The following PCDHA10 variants were observed in gnomAD, a reference collection of about 807,000 sequenced individuals.
PCDHA10 encodes protocadherin alpha 10.
PCDHA10 carries 45 observed loss-of-function variants against 61.2 expected under a neutral mutation model. The ratio of observed to expected loss-of-function variants is 0.74; its 90% CI spans 0.58 to 0.94. PCDHA10 has a LOEUF of 0.94. Ranked by LOEUF, PCDHA10 falls within the 40% of genes least tolerant of loss-of-function variation. The pLI is 0.00. For synonymous variants in PCDHA10, 602 were observed against 548.8 expected, an observed-to-expected ratio of 1.10 and a Z score of -1.35; for missense variants, 1,278 against 1,236.2, an observed-to-expected ratio of 1.03 and a Z score of -0.51.
At chr5:140,886,623 C>T (rs1273600111) in intron 1 of PCDHA10, among the ~76,000 whole-genome samples, 39 of 151,848 alleles carry the variant, frequency 2.6e-4, no homozygotes, top group Admixed American at 2.4e-3. Flanking sequence ...ATCAGGAGTC[C>T]GAGACCAGCC....
intron 1 of PCDHA10, among the ~76,000 whole-genome samples, chr5:140,921,875 A>G (rs1414785128): frequency 6.6e-6 from 1 of 152,118 alleles, no homozygotes; most frequent in Non-Finnish European, 1.5e-5. Flanking sequence ...CAGTATATAT[A>G]TAAGATTTTA....
rs781859966 is a variant in PCDHA10, at chr5:140,858,108, C to T, written c.2060C>T (p.Pro687Leu). ...ASSRASVGVA[P>L]EVALVDVNVY... ...TCGCGGGCTTCAGTGGGCGTGGCGCCCGAGGTGGCCCTGGTGGATGTCAAC... is the reference window on the plus strand; with the variant it reads ...TCGCGGGCTTCAGTGGGCGTGGCGCTCGAGGTGGCCCTGGTGGATGTCAAC... Residue 687 changes from proline to leucine, a missense_variant, in exon 1 of 4, where the codon CCC (proline) becomes CTC (leucine). Physicochemically the swap from Pro to Leu is moderately conservative, Grantham distance 98. Coordinates refer to ENST00000307360, the MANE Select transcript of PCDHA10 (RefSeq NM_018901.4). 1 of 1,597,706 alleles carries T rather than the reference C, an allele frequency of 6.3e-7. No homozygotes were observed. The highest frequency in any genetic ancestry group is 1.1e-5 in the South Asian group (1 of 90,550).
chr5:140,971,943 A>T (rs2096507947), intron 1 of PCDHA10, among the ~76,000 whole-genome samples: 1 of 152,186 alleles, frequency 6.6e-6, no homozygotes, highest in Non-Finnish European at 1.5e-5. Flanking sequence ...AGTTGTATCC[A>T]TCTGACTCCA....
At chr5:140,974,905 A>G (rs1276795577) in intron 1 of PCDHA10, among the ~76,000 whole-genome samples, 2 of 152,208 alleles carry the variant, frequency 1.3e-5, no homozygotes, top group African/African-American at 4.8e-5. Context: ...TTTGTAACAA[A>G]TTACCACAAG....
chr5:140,966,413 A>G, intron 1 of PCDHA10: 2 of 419,134 alleles, frequency 4.8e-6, no homozygotes, highest in South Asian at 1.0e-4. Flanking sequence ...GAATCAGAGC[A>G]GGACTTGCTG....
intron 3 of PCDHA10, among the ~76,000 whole-genome samples, chr5:141,005,547 C>A (rs2098220537): frequency 6.6e-6 from 1 of 150,736 alleles, no homozygotes; most frequent in South Asian, 2.1e-4. Flanking sequence ...ACTAAAAATA[C>A]AAAAATTAGC....
At chr5:141,000,361 GTCTCTCTC>G (rs148596731) in intron 3 of PCDHA10, among the ~76,000 whole-genome samples, 2,007 of 26,308 alleles carry the variant, frequency 0.076, 129 homozygotes, top group East Asian at 0.15. Context: ...GTCTCTCTCT[GTCTCTCTC>G]TCTCTCTCTC....
intron 1 of PCDHA10, chr5:140,861,434 CA>C: frequency 4.1e-6 from 2 of 489,520 alleles, no homozygotes; most frequent in Non-Finnish European, 4.2e-6. Context: ...AGTTGGATTC[CA>C]AAAGCCGCAG....
In PCDHA10 at chr5:140,998,286, A is replaced by G. The variant is rs913397915; in HGVS notation, c.2537-11341A>G. Among the ~76,000 whole-genome samples, 51 of 152,230 alleles carry G rather than the reference A, an allele frequency of 3.4e-4. 1 individual carries two copies. Among genetic ancestry groups the G allele is most frequent in the Non-Finnish European group, 1.5e-5 (1 of 68,044 alleles). On this transcript the variant is annotated intron_variant, in intron 3 of 3. Coordinates refer to ENST00000307360, the MANE Select transcript of PCDHA10 (RefSeq NM_018901.4). ...AAACTGACACCCATAGGATTAAATC[A>G]GATCACACATTTAGTAAGGGCACCA...
intron 1 of PCDHA10, among the ~76,000 whole-genome samples, chr5:140,879,635 G>A (rs190054745): frequency 3.8e-4 from 58 of 152,286 alleles, no homozygotes; most frequent in African/African-American, 1.2e-3. Context: ...TAAGTGTGTC[G>A]CTTCCTGTGG....
intron 1 of PCDHA10, chr5:140,860,419 T>G (rs1239021926): frequency 6.6e-6 from 1 of 152,112 alleles, no homozygotes; most frequent in African/African-American, 2.4e-5. Context: ...AACACCATTA[T>G]CCTGCAAATA....
chr5:140,931,086 A>G (rs2087290662), intron 1 of PCDHA10, among the ~76,000 whole-genome samples: 1 of 152,204 alleles, frequency 6.6e-6, no homozygotes, highest in Non-Finnish European at 1.5e-5. Context: ...CCAGTTCTAC[A>G]GATGACAAAG....
Position 140,857,437 on chromosome 5 carries a change from G to A in PCDHA10, c.1389G>A (p.Val463=), listed in dbSNP as rs1554150030. ...AFAQSEYTVF[V]KENNPPGCHI... is the part of the protein sequence containing the mutation. The stretch of plus-strand genomic sequence containing the variant: ...CGCAGTCCGAGTACACGGTGTTCGT[G>A]AAGGAGAACAACCCGCCAGGCTGCC... The change falls in exon 1 of 4, where the codon GTG becomes GTA. Residue 463 remains valine, a synonymous_variant. Coordinates refer to ENST00000307360, the MANE Select transcript of PCDHA10 (RefSeq NM_018901.4). The A allele has an allele frequency of 1.3e-6, 2 of 1,598,552 alleles. No individual in the cohort carries two copies. The highest frequency in any genetic ancestry group is 4.5e-5 in the East Asian group (2 of 44,840).
At chr5:140,877,655 C>T (rs868936879) in intron 1 of PCDHA10, 4 of 1,613,562 alleles carry the variant, frequency 2.5e-6, no homozygotes, top group South Asian at 2.2e-5. Context: ...GCGCCGCCCA[C>T]CGTGAGCCGG....
intron 3 of PCDHA10, among the ~76,000 whole-genome samples, chr5:140,986,421 C>T (rs1554248030): frequency 6.6e-6 from 1 of 152,178 alleles, no homozygotes; most frequent in Non-Finnish European, 1.5e-5. Flanking sequence ...CTCTTTTTAA[C>T]TTCATGAGTA....
rs17844344 is a variant in PCDHA10 at position 140,857,658 on chromosome 5, G to A, written c.1610G>A (p.Arg537His). 1.9e-6 allele frequency: 3 copies of A among 1,596,790 alleles called. No individual in the cohort carries two copies. Among genetic ancestry groups the A allele is most frequent in the East Asian group, 2.2e-5 (1 of 44,820 alleles). Reference sequence around the variant, plus strand: ...CTGCTACAGTTCCAGGTGAGCGCGCGCGATGGGGGCGTGCCGCCTCTGGGC... The same window carrying A: ...CTGCTACAGTTCCAGGTGAGCGCGCACGATGGGGGCGTGCCGCCTCTGGGC... ...LELLQFQVSA[R>H]DGGVPPLGSN... is the part of the protein sequence containing the mutation. Residue 537 changes from arginine (R) to histidine (H), a missense_variant, in exon 1 of 4, where the codon CGC (arginine) becomes CAC (histidine). Coordinates refer to ENST00000307360, the MANE Select transcript of PCDHA10 (RefSeq NM_018901.4).
intron 1 of PCDHA10, chr5:140,863,121 G>C (rs1554157790): frequency 1.7e-6 from 1 of 592,122 alleles, no homozygotes; most frequent in South Asian, 1.4e-5. Flanking sequence ...CGAAAGCTAC[G>C]CGCCACCGCC....
chr5:140,896,465 C>A (rs967658819), intron 1 of PCDHA10, among the ~76,000 whole-genome samples: 2 of 151,988 alleles, frequency 1.3e-5, no homozygotes, highest in Non-Finnish European at 2.9e-5. Flanking sequence ...TGGGTTCAAG[C>A]GGTTCTCCTG....
chr5:140,973,125 G>A (rs1417014318), intron 1 of PCDHA10, among the ~76,000 whole-genome samples: 2 of 152,166 alleles, frequency 1.3e-5, no homozygotes, highest in African/African-American at 4.8e-5. Context: ...GATGAATTAA[G>A]TTTGCATTCA....
Sources: allele counts gnomAD v4.1 joint callset (sites outside exome capture counted in the v4.1 genomes callset), GRCh38; gene constraint gnomAD v4.1.1; transcripts MANE v1.5; gene names NCBI Gene and HGNC (gene_info 2026-07-23, HGNC 2026-07-21).